Variants in PCDHA1 observed in about 807,000 individuals in gnomAD.
PCDHA1 encodes the protein protocadherin alpha 1, also known as protocadherin alpha-1.
Under a neutral mutation model 61.3 loss-of-function variants are expected in PCDHA1, and 42 were observed. The ratio of observed to expected loss-of-function variants is 0.69; its 90% CI spans 0.54 to 0.89. The LOEUF (loss-of-function observed/expected upper bound fraction) is 0.89, where lower values mean the gene tolerates loss of function less well. Among genes scored for constraint, PCDHA1 ranks in the 40% least tolerant of loss-of-function variants. The probability of loss-of-function intolerance (pLI) is 0.00; values close to 1 mark genes in which losing one functional copy is unlikely to be tolerated. For missense variants in PCDHA1, 1,256 were observed against 1,235.3 expected, an observed-to-expected ratio of 1.02 and a Z score of -0.25; for synonymous variants, 610 against 553.8, an observed-to-expected ratio of 1.10 and a Z score of -1.43.
rs199727548 is a variant in PCDHA1, at chr5:140,829,646, G to C, written c.2394+40962G>C. ...GCACGCGGAGAGCGGCAAGGTGTAC[G>C]CGCTGCAGCCGCTGGACCACGAGGA... On this transcript the variant is annotated intron_variant, in intron 1 of 3. Transcript: ENST00000504120. 1 of 1,612,258 alleles carries C rather than the reference G, an allele frequency of 6.2e-7. No individual in the cohort carries two copies. Among genetic ancestry groups the C allele is most frequent in the Admixed American group, 1.7e-5 (1 of 59,998 alleles).
chr5:140,841,832 A>C lies in PCDHA1; in HGVS notation c.2394+53148A>C, dbSNP rs2150323829. The C allele has an allele frequency of 3.7e-6, 6 of 1,613,806 alleles. No homozygotes were observed. The South Asian group carries it at 5.5e-5, about 15-fold the overall frequency. ...TGGAGCTAACTCCGTGTTAACCTAC[A>C]GGCTTAGCTCTCATGATTACTTCAT... is the stretch of plus-strand genomic sequence containing the variant. On this transcript the variant is annotated intron_variant, in intron 1 of 3. Coordinates refer to ENST00000504120, the MANE Select transcript of PCDHA1 (RefSeq NM_018900.4).
At chr5:140,877,270 G>C in intron 1 of PCDHA1, 2 of 1,613,864 alleles carry the variant, frequency 1.2e-6, no homozygotes, top group Non-Finnish European at 1.7e-6. Context: ...GGTGGACGCT[G>C]ACTCCGGCTA....
chr5:140,980,044 T>G (rs1249451662), intron 2 of PCDHA1, among the ~76,000 whole-genome samples: 11 of 152,258 alleles, frequency 7.2e-5, no homozygotes, highest in Non-Finnish European at 1.5e-4. Flanking sequence ...GGGTGCTATT[T>G]CTGATTCAGA....
chr5:140,904,047 A>C (rs1554191240), intron 1 of PCDHA1, among the ~76,000 whole-genome samples: 1 of 152,164 alleles, frequency 6.6e-6, no homozygotes, highest in Admixed American at 6.6e-5. Flanking sequence ...TAATTTTTTT[A>C]TTTCAATGGG....
At chr5:140,807,474 G>A (rs1554124040) in intron 1 of PCDHA1, 4 of 1,613,024 alleles carry the variant, frequency 2.5e-6, no homozygotes, top group Non-Finnish European at 3.4e-6. Flanking sequence ...GAGGAGCTGT[G>A]CCGGCGGAGC....
At chr5:140,927,457 A>G in intron 1 of PCDHA1, 1 of 1,614,098 alleles carries the variant, frequency 6.2e-7, no homozygotes, top group Non-Finnish European at 8.5e-7. Flanking sequence ...GGTGTTGGAG[A>G]AAGCACTGGA....
At chr5:140,941,210 TCTTC>T (rs1480454721) in intron 1 of PCDHA1, among the ~76,000 whole-genome samples, 2,917 of 100,514 alleles carry the variant, frequency 0.029, 68 homozygotes, top group South Asian at 0.045. Flanking sequence ...TTCCTTTCTT[TCTTC>T]CTTTCTTTCT....
At chr5:140,790,293 A>G (rs1380846060) in intron 1 of PCDHA1, among the ~76,000 whole-genome samples, 1 of 152,196 alleles carries the variant, frequency 6.6e-6, no homozygotes, top group Non-Finnish European at 1.5e-5. Context: ...TCAAGGGCAT[A>G]ATGTTAAATT....
At chr5:140,983,585 A>G (rs561693645) in intron 3 of PCDHA1, among the ~76,000 whole-genome samples, 18 of 152,338 alleles carry the variant, frequency 1.2e-4, no homozygotes, top group Non-Finnish European at 2.1e-4. Flanking sequence ...TATTACATCT[A>G]TTCTACATAT....
At chr5:140,851,758 C>A (rs1554145527) in intron 1 of PCDHA1, 1 of 969,910 alleles carries the variant, frequency 1.0e-6, no homozygotes, top group Non-Finnish European at 1.2e-6. Flanking sequence ...TAACTTAAAA[C>A]ATTACCCTTA....
Position 140,858,211 on chromosome 5 carries a change from C to T in PCDHA1, c.2394+69527C>T, listed in dbSNP as rs368039385. On this transcript the variant is annotated intron_variant, in intron 1 of 3. Transcript: ENST00000504120. ...TGCTGCTGTACACTGCACTGAGGTG[C>T]TCGGCGGCGCCCACCGAGGGCGCAT... 10 of 1,594,094 alleles carry T rather than the reference C, an allele frequency of 6.3e-6. 2 individuals are homozygous for T. Among genetic ancestry groups the T allele is most frequent in the Non-Finnish European group, 8.6e-6 (10 of 1,165,544 alleles).
chr5:140,852,859 C>T, intron 1 of PCDHA1: 1 of 960,834 alleles, frequency 1.0e-6, no homozygotes. Context: ...TAAGCATTTA[C>T]TATGTCATCA....
intron 3 of PCDHA1, among the ~76,000 whole-genome samples, chr5:140,999,986 G>A (rs2097887000): frequency 6.6e-6 from 1 of 151,990 alleles, no homozygotes; most frequent in African/African-American, 2.4e-5. Context: ...GCGGCCTCTG[G>A]GTAGTGGTAT....
Position 140,872,661 on chromosome 5 carries a change from T to G in PCDHA1, c.2394+83977T>G, listed in dbSNP as rs544432969. Among the ~76,000 whole-genome samples the G allele has an allele frequency of 2.0e-5, 3 of 152,284 alleles. No individual in the cohort carries two copies. In the East Asian group the frequency reaches 5.8e-4, roughly 29 times the overall value. ...ATGAAAAGGCAAGAGATTTGTCAAC[T>G]ATTGGATACTCAAACAAAATGGCAT... On this transcript the variant is annotated intron_variant, in intron 1 of 3. Transcript: ENST00000504120.
chr5:140,888,611 G>T (rs1554183538), intron 1 of PCDHA1, among the ~76,000 whole-genome samples: 1 of 152,144 alleles, frequency 6.6e-6, no homozygotes, highest in Non-Finnish European at 1.5e-5. Context: ...TTTTAGTGTA[G>T]CACTAATTCG....
In PCDHA1 at chr5:140,857,752, C is replaced by T. The variant is rs7725388; in HGVS notation, c.2394+69068C>T. On this transcript the variant is annotated intron_variant, in intron 1 of 3. Coordinates refer to ENST00000504120, the MANE Select transcript of PCDHA1 (RefSeq NM_018900.4). ...ACGCTCCCGCGCTGCTGGCGTCTCCCGCTGGCAGCGCGGGCGGTGCAGTCA... is the reference window on the plus strand; with the variant it reads ...ACGCTCCCGCGCTGCTGGCGTCTCCTGCTGGCAGCGCGGGCGGTGCAGTCA... The T allele has an allele frequency of 7.5e-6, 12 of 1,597,052 alleles. 1 individual carries two copies. The highest frequency in any genetic ancestry group is 9.4e-6 in the Non-Finnish European group (11 of 1,167,514).
chr5:140,787,076 C>A lies in PCDHA1; in HGVS notation c.786C>A (p.Thr262=). The A allele has an allele frequency of 6.2e-7, 1 of 1,614,104 alleles. No individual in the cohort carries two copies. Among genetic ancestry groups the A allele is most frequent in the Admixed American group, 1.7e-5 (1 of 60,016 alleles). The change falls in exon 1 of 4, where the codon ACC becomes ACA. Residue 262 remains threonine, a synonymous_variant. Coordinates refer to ENST00000504120, the MANE Select transcript of PCDHA1 (RefSeq NM_018900.4). ...LETTANGTLV[T]TLNASDADEG... ...CTACAGCAAATGGAACATTAGTGAC[C>A]ACATTAAATGCCTCTGATGCTGACG...
At chr5:141,003,094 A>G (rs2098111645) in intron 3 of PCDHA1, among the ~76,000 whole-genome samples, 1 of 152,230 alleles carries the variant, frequency 6.6e-6, no homozygotes, top group African/African-American at 2.4e-5. Flanking sequence ...CAGGCCTGGC[A>G]TTTGCTTCAC....
At position 140,850,022 on chromosome 5, in the gene PCDHA1, A is replaced by G. The variant is rs201141536; in HGVS notation, c.2394+61338A>G. The stretch of plus-strand genomic sequence containing the variant: ...AGCGCTCGCTGTCGAGCTACGTGTC[A>G]GTGCACGCGGAGAGCGGCAAGGTGT... On this transcript the variant is annotated intron_variant, in intron 1 of 3. Transcript: ENST00000504120. 38 of 1,596,678 alleles carry G rather than the reference A, an allele frequency of 2.4e-5. 5 individuals are homozygous for G. The highest frequency in any genetic ancestry group is 7.7e-5 in the South Asian group (7 of 90,486).
Sources: allele counts gnomAD v4.1 joint callset (sites outside exome capture counted in the v4.1 genomes callset), GRCh38; gene constraint gnomAD v4.1.1; transcripts MANE v1.5; gene names NCBI Gene and HGNC (gene_info 2026-07-23, HGNC 2026-07-21).